The following EIPR1 variants were observed in gnomAD, a reference collection of about 807,000 sequenced individuals.
EIPR1 encodes EARP complex and GARP complex interacting protein 1.
In EIPR1, 25 loss-of-function variants were observed where a neutral mutation model predicts 48.1. That is an observed-to-expected ratio of 0.52 (90% CI 0.38 to 0.73). The LOEUF (loss-of-function observed/expected upper bound fraction) is 0.73, where lower values mean the gene tolerates loss of function less well. Among genes scored for constraint, EIPR1 ranks in the 30% least tolerant of loss-of-function variants. The pLI is 0.00. For synonymous variants in EIPR1, 204 were observed against 201.9 expected (o/e 1.01, Z -0.09); for missense variants, 415 against 506.2 (o/e 0.82, Z 1.73).
intron 3 of EIPR1, among the ~76,000 whole-genome samples, chr2:3,262,963 G>A (rs1219783605): frequency 6.6e-6 from 1 of 152,204 alleles, no homozygotes; most frequent in Non-Finnish European, 1.5e-5. Flanking sequence ...TGCATGGTAG[G>A]TGCCCAAACC....
At chr2:3,279,195 C>G (rs1667948377) in intron 3 of EIPR1, among the ~76,000 whole-genome samples, 3 of 152,060 alleles carry the variant, frequency 2.0e-5, no homozygotes, top group Admixed American at 2.0e-4. Context: ...TAATTAACAC[C>G]CCTCACTCCA....
At chr2:3,220,722 A>T (rs1291426333) in intron 4 of EIPR1, among the ~76,000 whole-genome samples, 1 of 151,488 alleles carries the variant, frequency 6.6e-6, no homozygotes, top group Non-Finnish European at 1.5e-5. Flanking sequence ...ACTCTAGAAC[A>T]TTCACAGTGA....
At chr2:3,218,443 G>A (rs369714619) in intron 4 of EIPR1, among the ~76,000 whole-genome samples, 2,307 of 146,488 alleles carry the variant, frequency 0.016, 13 homozygotes, top group Non-Finnish European at 0.023. Flanking sequence ...CACCCAACAC[G>A]GCCCCGATAC....
At chr2:3,327,175 G>A (rs1669723209) in intron 3 of EIPR1, among the ~76,000 whole-genome samples, 1 of 152,220 alleles carries the variant, frequency 6.6e-6, no homozygotes, top group Admixed American at 6.5e-5. Flanking sequence ...TGCCATAGAT[G>A]TCATGTCATG....
intron 2 of EIPR1, among the ~76,000 whole-genome samples, chr2:3,350,760 C>CACA (rs1354505794): frequency 6.6e-6 from 1 of 152,072 alleles, no homozygotes; most frequent in Non-Finnish European, 1.5e-5. Flanking sequence ...TACGGATTCA[C>CACA]ACACAGACAA....
chr2:3,246,843 G>A (rs1463721432), intron 4 of EIPR1, among the ~76,000 whole-genome samples: 2 of 63,798 alleles, frequency 3.1e-5, no homozygotes, highest in African/African-American at 1.3e-4. Flanking sequence ...GAAGGAGGAA[G>A]GGAGGGAAGG....
At chr2:3,199,060 G>GCCCCCCC (rs1214394853) in intron 5 of EIPR1, among the ~76,000 whole-genome samples, 2 of 23,352 alleles carry the variant, frequency 8.6e-5, no homozygotes, top group African/African-American at 1.7e-4. Context: ...CATTTTAGAG[G>GCCCCCCC]GCCCCCCCCC....
At chr2:3,269,333 CA>C (rs1667603838) in intron 3 of EIPR1, among the ~76,000 whole-genome samples, 2 of 121,350 alleles carry the variant, frequency 1.6e-5, no homozygotes, top group Admixed American at 8.2e-5. Flanking sequence ...ACTCAATCAT[CA>C]TCACACTCAG....
At chr2:3,225,543 G>C (rs1666036823) in intron 4 of EIPR1, among the ~76,000 whole-genome samples, 1 of 152,160 alleles carries the variant, frequency 6.6e-6, no homozygotes, top group Non-Finnish European at 1.5e-5. Context: ...ACCACGCCTG[G>C]CCGCAATGTG....
At chr2:3,249,878 T>C (rs1666952165) in intron 4 of EIPR1, among the ~76,000 whole-genome samples, 4 of 152,232 alleles carry the variant, frequency 2.6e-5, no homozygotes, top group South Asian at 4.1e-4. Context: ...CTATATGCCC[T>C]GGCAACTTCC....
intron 3 of EIPR1, among the ~76,000 whole-genome samples, chr2:3,336,847 G>A (rs1241376722): frequency 9.1e-6 from 1 of 109,746 alleles, no homozygotes; most frequent in Non-Finnish European, 1.8e-5. Context: ...GGAAAGGAAG[G>A]GAAAAGGGAA....
At chr2:3,230,160 T>TC (rs1666197199) in intron 4 of EIPR1, among the ~76,000 whole-genome samples, 1 of 151,994 alleles carries the variant, frequency 6.6e-6, no homozygotes, top group East Asian at 1.9e-4. Context: ...TATTTTTTTT[T>TC]ATTTGTAAAT....
chr2:3,230,385 C>A (rs182123565), intron 4 of EIPR1, among the ~76,000 whole-genome samples: 2 of 152,098 alleles, frequency 1.3e-5, no homozygotes, highest in African/African-American at 2.4e-5. Context: ...AGAAAAGACA[C>A]GCTGCAGCTG....
intron 5 of EIPR1, among the ~76,000 whole-genome samples, chr2:3,204,527 T>C (rs1440726504): frequency 1.3e-5 from 2 of 152,216 alleles, no homozygotes; most frequent in African/African-American, 2.4e-5. Flanking sequence ...TAATCTGTTT[T>C]TCGACATTAA....
intron 3 of EIPR1, among the ~76,000 whole-genome samples, chr2:3,285,111 T>C (rs1668138883): frequency 1.3e-5 from 2 of 152,102 alleles, no homozygotes; most frequent in South Asian, 4.2e-4. Flanking sequence ...GCTCACTCCA[T>C]CTCAGGGCAG....
intron 4 of EIPR1, among the ~76,000 whole-genome samples, chr2:3,229,196 T>C (rs1309597189): frequency 1.3e-5 from 2 of 152,168 alleles, no homozygotes; most frequent in African/African-American, 4.8e-5. Context: ...AAGATTTTGC[T>C]GGTGATCCAC....
chr2:3,307,458 C>A (rs537557151), intron 3 of EIPR1, among the ~76,000 whole-genome samples: 1 of 152,206 alleles, frequency 6.6e-6, no homozygotes, highest in African/African-American at 2.4e-5. Flanking sequence ...CATGCTGGGG[C>A]CCCAGAAAGC....
At chr2:3,196,732 T>C (rs1360809646) in intron 6 of EIPR1, 149 bp downstream of exon 6, 11 of 1,252,402 alleles carry the variant, frequency 8.8e-6, no homozygotes, top group Non-Finnish European at 1.2e-5. Flanking sequence ...AGAAACAAGA[T>C]GAAGATTTAT....
chr2:3,206,679 C>T (rs887921590), intron 5 of EIPR1, among the ~76,000 whole-genome samples: 3 of 152,074 alleles, frequency 2.0e-5, no homozygotes, highest in African/African-American at 7.2e-5. Flanking sequence ...TGTCTTAAAC[C>T]CCAAAATGCA....
Sources: allele counts gnomAD v4.1 joint callset (sites outside exome capture counted in the v4.1 genomes callset), GRCh38; gene constraint gnomAD v4.1.1; transcripts MANE v1.5; gene names NCBI Gene and HGNC (gene_info 2026-07-23, HGNC 2026-07-21).